Variants in IRF8 observed in about 807,000 individuals in gnomAD.
IRF8 encodes the protein interferon consensus sequence binding protein 1.
In IRF8, 14 loss-of-function variants were observed where a neutral mutation model predicts 48.7. The ratio of observed to expected loss-of-function variants is 0.29; its 90% CI spans 0.19 to 0.45. IRF8 has a LOEUF of 0.45. Ranked by LOEUF, IRF8 falls within the 20% of genes least tolerant of loss-of-function variation. The pLI, the probability that IRF8 is intolerant of heterozygous loss-of-function variation, is 1.00. For missense variants in IRF8, 493 were observed against 580.7 expected (o/e 0.85, Z 1.55); for synonymous variants, 278 against 227.3 (o/e 1.22, Z -2.01).
intron 7 of IRF8, 90 bp downstream of exon 7, chr16:85,918,893 T>G: frequency 6.6e-7 from 1 of 1,518,254 alleles, no homozygotes; most frequent in Non-Finnish European, 9.0e-7. Flanking sequence ...GGCCCTGTGG[T>G]CTCATGGAGG....
In IRF8 at chr16:85,921,756, T is replaced by C. The variant is rs1251847548; in HGVS notation, c.*474T>C. ...GCTTGATTCTATGTGAAATATCTTT[T>C]TACTTTTATGCATTTTAATAAGATT... On this transcript the variant is annotated 3_prime_UTR_variant, in exon 9 of 9. Transcript: ENST00000268638. 5.2e-6 allele frequency: 1 copy of C among 193,958 alleles called. No homozygotes were observed. Among genetic ancestry groups the C allele is most frequent in the East Asian group, 1.4e-4 (1 of 7,246 alleles). The allele number at this position is 193,958 out of a possible 1,614,324, so 12.0% of individuals were successfully genotyped here.
chr16:85,918,788 A>C lies in IRF8; in HGVS notation c.973A>C (p.Ser325Arg). Residue 325 changes from serine to arginine, a missense_variant, in exon 7 of 9, where the codon AGC becomes CGC. Coordinates refer to ENST00000268638, the MANE Select transcript of IRF8 (RefSeq NM_002163.4). ...TGAGGTGGTCCAGGTCTTCGACACC[A>C]GCCAGTTCTTCCGAGGTCTGTACCG... ...RDEVVQVFDT[S>R]QFFRELQQFY... 6.2e-7 allele frequency: 1 copy of C among 1,609,714 alleles called. No individual in the cohort carries two copies. The highest frequency in any genetic ancestry group is 8.5e-7 in the Non-Finnish European group (1 of 1,180,018).
At chr16:85,917,140 C>T (rs1330448396) in intron 6 of IRF8, among the ~76,000 whole-genome samples, 1 of 152,114 alleles carries the variant, frequency 6.6e-6, no homozygotes, top group Non-Finnish European at 1.5e-5. Context: ...CAGATGGACT[C>T]AGGGCCTCCC....
At chr16:85,906,990 G>A (rs964075551) in intron 2 of IRF8, among the ~76,000 whole-genome samples, 3 of 152,282 alleles carry the variant, frequency 2.0e-5, no homozygotes, top group African/African-American at 7.2e-5. Flanking sequence ...TTTAGTACAT[G>A]GTTTGCTGGT....
intron 2 of IRF8, among the ~76,000 whole-genome samples, chr16:85,905,557 C>T (rs1343997086): frequency 6.6e-6 from 1 of 152,174 alleles, no homozygotes; most frequent in East Asian, 1.9e-4. Flanking sequence ...CCCACTGGAG[C>T]AGGGAGGCCA....
At chr16:85,904,812 CTT>C (rs1177860791) in intron 2 of IRF8, among the ~76,000 whole-genome samples, 44 of 87,612 alleles carry the variant, frequency 5.0e-4, no homozygotes, top group African/African-American at 6.9e-4. Flanking sequence ...GATTGCAGAT[CTT>C]TTTTTTTTTT....
chr16:85,912,761 A>C (rs1905183486), intron 4 of IRF8, among the ~76,000 whole-genome samples: 1 of 152,254 alleles, frequency 6.6e-6, no homozygotes, highest in South Asian at 2.1e-4. Flanking sequence ...TCTTGAAAGC[A>C]TGGCAGCCTT....
At position 85,921,574 on chromosome 16, in the gene IRF8, AT is replaced by A. The variant is rs1180189649; in HGVS notation, c.*296del. On this transcript the variant is annotated 3_prime_UTR_variant, in exon 9 of 9. Coordinates refer to ENST00000268638, the MANE Select transcript of IRF8 (RefSeq NM_002163.4). ...CATTAGTTGCTATGATTCTTTCTGCATTTTCGGTTAACTATCATTTCCAAAG... is the reference window on the plus strand; with the variant it reads ...CATTAGTTGCTATGATTCTTTCTGCATTTCGGTTAACTATCATTTCCAAAG... The A allele has an allele frequency of 3.6e-5, 15 of 418,792 alleles. No individual in the cohort carries two copies. The highest frequency in any genetic ancestry group is 5.3e-5 in the Non-Finnish European group (12 of 226,174). The allele number at this position is 418,792 out of a possible 1,614,324, so 25.9% of individuals were successfully genotyped here. A position where few individuals can be genotyped will look rare whatever the true frequency, so the allele number is the denominator to read the frequency against.
Position 85,911,640 on chromosome 16 carries a change from C to A in IRF8, c.429C>A (p.Ile143=), listed in dbSNP as rs757276103. ...AGATGGAGTGCGGTCGCTCTGAAAT[C>A]GACGAGCTGATCAAGGAGGTAAGCA... ...VTEMECGRSE[I]DELIKEPSVD... Residue 143 remains isoleucine (I), a synonymous_variant, in exon 4 of 9, where the codon ATC becomes ATA. Transcript: ENST00000268638. 3 of 1,613,682 alleles carry A rather than the reference C, an allele frequency of 1.9e-6. No homozygotes were observed. Among genetic ancestry groups the A allele is most frequent in the Admixed American group, 3.3e-5 (2 of 59,998 alleles).
chr16:85,914,515 A>G lies in IRF8; in HGVS notation c.596A>G (p.His199Arg), dbSNP rs1228334774. 1.2e-6 allele frequency: 2 copies of G among 1,613,980 alleles called. No individual in the cohort carries two copies. Among genetic ancestry groups the G allele is most frequent in the Non-Finnish European group, 8.5e-7 (1 of 1,180,006 alleles). ...GGGTACACCACCTACGACGCGCACC[A>G]TTCAGGTACGGGGTGGTCCGGGCTG... ...VTGYTTYDAH[H>R]SAFSQMVISF... is the part of the protein sequence containing the mutation. Residue 199 changes from histidine (H) to arginine (R), a missense_variant, in exon 6 of 9, where the codon CAT becomes CGT. Transcript: ENST00000268638.
At chr16:85,914,359 T>G (rs1905232068) in intron 5 of IRF8, 114 bp from the exon 6 acceptor site, 1 of 1,221,202 alleles carries the variant, frequency 8.2e-7, no homozygotes, top group African/African-American at 1.5e-5. Context: ...CCCTGGAGCC[T>G]CTGGCACGCC....
At chr16:85,902,074 G>C (rs1430831686) in intron 1 of IRF8, among the ~76,000 whole-genome samples, 1 of 151,940 alleles carries the variant, frequency 6.6e-6, no homozygotes, top group African/African-American at 2.4e-5. Flanking sequence ...GCTTGGGTGA[G>C]AGTGTTCTTC....
intron 7 of IRF8, among the ~76,000 whole-genome samples, chr16:85,919,841 G>A (rs1484361698): frequency 6.6e-6 from 1 of 152,232 alleles, no homozygotes; most frequent in Admixed American, 6.5e-5. Flanking sequence ...AGCAATGCAC[G>A]AATTGAGAGA....
chr16:85,905,830 G>C lies in IRF8; in HGVS notation c.174+2641G>C, dbSNP rs144941831. 4.1e-3 allele frequency among the ~76,000 whole-genome samples: 620 copies of C among 152,346 alleles called. 1 individual carries two copies. Among genetic ancestry groups the C allele is most frequent in the South Asian group, 0.017 (84 of 4,828 alleles). On this transcript the variant is annotated intron_variant, in intron 2 of 8. Coordinates refer to ENST00000268638, the MANE Select transcript of IRF8 (RefSeq NM_002163.4). ...TAGGAGTTAAGAAAGAAATTTATGA[G>C]TTTGGTTTCTTCCGTAATAAGTGGA...
intron 2 of IRF8, among the ~76,000 whole-genome samples, chr16:85,906,670 A>G (rs576746913): frequency 6.6e-6 from 1 of 152,372 alleles, no homozygotes; most frequent in Non-Finnish European, 1.5e-5. Flanking sequence ...GCGGATCACA[A>G]CGTTGCCATG....
At position 85,918,622 on chromosome 16, in the gene IRF8, G is replaced by A. The variant is rs747618015; in HGVS notation, c.807G>A (p.Lys269=). ...PSERQRQVTR[K]LFGHLERGVL... ...AGCGACAGAGGCAGGTGACGCGGAA[G>A]CTGTTCGGGCACCTGGAGCGCGGGG... Residue 269 remains lysine (K), a synonymous_variant, in exon 7 of 9, where the codon AAG becomes AAA. Transcript: ENST00000268638. 6.2e-7 allele frequency: 1 copy of A among 1,608,072 alleles called. No individual in the cohort carries two copies. The highest frequency in any genetic ancestry group is 2.2e-5 in the East Asian group (1 of 44,876).
At chr16:85,916,688 C>T (rs1458337671) in intron 6 of IRF8, among the ~76,000 whole-genome samples, 1 of 152,088 alleles carries the variant, frequency 6.6e-6, no homozygotes, top group Non-Finnish European at 1.5e-5. Context: ...GGGCAAAGGG[C>T]CAAAGGGGTG....
At position 85,918,600 on chromosome 16, in the gene IRF8, G is replaced by C; in HGVS notation, c.785G>C (p.Arg262Pro). The stretch of plus-strand genomic sequence containing the variant: ...CCGGCCGACGCCATCCCCAGCGAGC[G>C]ACAGAGGCAGGTGACGCGGAAGCTG... ...FPPADAIPSERQRQVTRKLFG... is the reference protein window; with the variant it reads ...FPPADAIPSEPQRQVTRKLFG... The change falls in exon 7 of 9, where the codon CGA becomes CCA. Residue 262 changes from arginine (R) to proline (P), a missense_variant. Coordinates refer to ENST00000268638, the MANE Select transcript of IRF8 (RefSeq NM_002163.4). 6.2e-7 allele frequency: 1 copy of C among 1,607,440 alleles called. No homozygotes were observed. The highest frequency in any genetic ancestry group is 8.5e-7 in the Non-Finnish European group (1 of 1,179,440).
chr16:85,904,810 A>ATTTTTTTT (rs1418168585), intron 2 of IRF8, among the ~76,000 whole-genome samples: 16 of 64,622 alleles, frequency 2.5e-4, no homozygotes, highest in African/African-American at 9.5e-4. Flanking sequence ...TTGATTGCAG[A>ATTTTTTTT]TCTTTTTTTT....
Sources: gnomAD v4.1 joint callset for allele counts (sites outside exome capture counted in the v4.1 genomes callset) on GRCh38, gnomAD v4.1.1 for gene constraint, MANE v1.5 for transcripts, NCBI Gene and HGNC (gene_info 2026-07-23, HGNC 2026-07-21) for gene names.